ABTB2: variants seen among roughly 807,000 people sequenced by gnomAD.
ABTB2 encodes the protein ankyrin repeat and BTB/POZ domain-containing protein 2.
In ABTB2, 56 loss-of-function variants were observed where a neutral mutation model predicts 104.1. The observed-to-expected ratio is 0.54, with a 90% CI of 0.43 to 0.67. The LOEUF is 0.67. Ranked by LOEUF, ABTB2 falls within the 30% of genes least tolerant of loss-of-function variation. ABTB2 has a pLI of 0.00. For missense variants in ABTB2, 1,279 were observed against 1,407.7 expected (o/e 0.91, Z 1.46); for synonymous variants, 606 against 608.2 (o/e 1.00, Z 0.05).
At chr11:34,298,907 C>T (rs944684545) in intron 1 of ABTB2, among the ~76,000 whole-genome samples, 3 of 152,330 alleles carry the variant, frequency 2.0e-5, no homozygotes, top group East Asian at 3.9e-4. Flanking sequence ...GATCCCTTAT[C>T]TAATTTCATT....
rs75980966 is a variant in ABTB2, at chr11:34,332,869, G to A, written c.883+23832C>T. Among the ~76,000 whole-genome samples, 94 of 152,088 alleles carry A rather than the reference G, an allele frequency of 6.2e-4. No homozygotes were observed. In the East Asian group the frequency reaches 0.012, roughly 20 times the overall value. ...ACTGATGGAACAGTCTCTGAAGTGC[G>A]TTCAGGGAGTCACAGGACATGGAAG... is the stretch of plus-strand genomic sequence containing the variant. On this transcript the variant is annotated intron_variant, in intron 1 of 16. Coordinates refer to ENST00000435224, the MANE Select transcript of ABTB2 (RefSeq NM_145804.3).
At chr11:34,237,940 AC>A (rs1212308765) in intron 1 of ABTB2, among the ~76,000 whole-genome samples, 2 of 152,110 alleles carry the variant, frequency 1.3e-5, no homozygotes, top group Non-Finnish European at 2.9e-5. Flanking sequence ...ACCACCCTGG[AC>A]CACACTCTCA....
intron 1 of ABTB2, among the ~76,000 whole-genome samples, chr11:34,292,843 C>A (rs1313752444): frequency 2.0e-5 from 3 of 152,100 alleles, no homozygotes; most frequent in Non-Finnish European, 2.9e-5. Flanking sequence ...CAGGTACAAA[C>A]CCCCAGAGGG....
In ABTB2 at chr11:34,357,169, C is replaced by T; in HGVS notation, c.415G>A (p.Val139Met). 1.3e-6 allele frequency: 2 copies of T among 1,501,196 alleles called. No homozygotes were observed. The allele number at this position is 1,501,196 out of a possible 1,614,324, so 93.0% of individuals were successfully genotyped here. The change falls in exon 1 of 17, where the codon GTG (valine) becomes ATG (methionine). Residue 139 changes from valine (V) to methionine (M), a missense_variant. Coordinates refer to ENST00000435224, the MANE Select transcript of ABTB2 (RefSeq NM_145804.3). ...AGLLRRALIR[V>M]AREAQRLSVL... ...CTCAGGCGCTGCGCCTCGCGGGCCACGCGGATCAGTGCCCTGCGGAGCAGC... is the reference window on the plus strand; with the variant it reads ...CTCAGGCGCTGCGCCTCGCGGGCCATGCGGATCAGTGCCCTGCGGAGCAGC...
intron 1 of ABTB2, chr11:34,335,991 C>T (rs1855189572): frequency 5.3e-6 from 3 of 569,226 alleles, no homozygotes; most frequent in South Asian, 2.2e-5. Context: ...TGTTACAAAG[C>T]ACATTGGCCA....
chr11:34,222,619 G>A (rs115756586), intron 1 of ABTB2, among the ~76,000 whole-genome samples: 1,607 of 152,324 alleles, frequency 0.011, 26 homozygotes, highest in African/African-American at 0.036. Flanking sequence ...ATGAAATCAA[G>A]CTACAGGGAG....
At chr11:34,167,418 T>C (rs1398275255) in intron 6 of ABTB2, 58 bp from the exon 7 acceptor site, 2 of 1,425,772 alleles carry the variant, frequency 1.4e-6, no homozygotes, top group African/African-American at 2.8e-5. Flanking sequence ...GGGAGTACCC[T>C]GCAGGGATGG....
In ABTB2 at chr11:34,252,927, C is replaced by G. The variant is rs1393294244; in HGVS notation, c.884-48237G>C. On this transcript the variant is annotated intron_variant, in intron 1 of 16. Transcript: ENST00000435224. The surrounding 1 kb of genome is among the most constrained non-coding windows in gnomAD (Gnocchi z 5.5). Reference sequence around the variant, plus strand: ...AGGGCCCGATTCCACCCCTCCACCCCCAGGAGGAAGAGCTGCTTTGGCAGC... The same window carrying G: ...AGGGCCCGATTCCACCCCTCCACCCGCAGGAGGAAGAGCTGCTTTGGCAGC... 3.3e-5 allele frequency among the ~76,000 whole-genome samples: 5 copies of G among 152,108 alleles called. No individual in the cohort carries two copies. The highest frequency in any genetic ancestry group is 2.1e-4 in the South Asian group (1 of 4,828).
intron 13 of ABTB2, 147 bp downstream of exon 13, chr11:34,159,759 G>A (rs894874711): frequency 2.1e-5 from 14 of 677,960 alleles, no homozygotes; most frequent in East Asian, 8.1e-5. Context: ...GCTGTGGGGC[G>A]AGTGGGGCTC....
At chr11:34,203,249 C>T (rs1301093705) in intron 2 of ABTB2, among the ~76,000 whole-genome samples, 1 of 152,218 alleles carries the variant, frequency 6.6e-6, no homozygotes. Flanking sequence ...GTTCTCTCAT[C>T]AGGACATAAC....
At chr11:34,214,976 T>C (rs535545986) in intron 1 of ABTB2, among the ~76,000 whole-genome samples, 3 of 152,274 alleles carry the variant, frequency 2.0e-5, no homozygotes, top group East Asian at 1.9e-4. Flanking sequence ...AGATGAGACA[T>C]TGTCTGCATG....
chr11:34,218,417 G>A (rs557513899), intron 1 of ABTB2, among the ~76,000 whole-genome samples: 2 of 152,126 alleles, frequency 1.3e-5, no homozygotes, highest in Admixed American at 1.3e-4. Flanking sequence ...TATCTTCTAG[G>A]AGTTTTATAG....
chr11:34,321,205 A>G (rs549970871), intron 1 of ABTB2, among the ~76,000 whole-genome samples: 1 of 152,184 alleles, frequency 6.6e-6, no homozygotes, highest in Non-Finnish European at 1.5e-5. Context: ...ACAAACAAAA[A>G]AAGATGTTTT....
intron 1 of ABTB2, among the ~76,000 whole-genome samples, chr11:34,232,974 C>A (rs532682316): frequency 1.3e-5 from 2 of 149,482 alleles, no homozygotes; most frequent in African/African-American, 4.9e-5. Flanking sequence ...AACCCCCTAA[C>A]CTCCCCCCAA....
intron 1 of ABTB2, among the ~76,000 whole-genome samples, chr11:34,296,737 C>G (rs779553184): frequency 6.6e-6 from 1 of 152,142 alleles, no homozygotes. Flanking sequence ...AAATGCTGTA[C>G]GCTTCAAAAA....
At chr11:34,250,864 G>C (rs942404936) in intron 1 of ABTB2, among the ~76,000 whole-genome samples, 5 of 152,140 alleles carry the variant, frequency 3.3e-5, no homozygotes, top group African/African-American at 9.7e-5. Context: ...AGAATAACTA[G>C]GGGGGTAGAA....
At chr11:34,333,998 G>C (rs1855163413) in intron 1 of ABTB2, among the ~76,000 whole-genome samples, 1 of 145,380 alleles carries the variant, frequency 6.9e-6, no homozygotes, top group African/African-American at 2.5e-5. Flanking sequence ...TTTCCACTAA[G>C]GGAAGGGAGC....
intron 1 of ABTB2, among the ~76,000 whole-genome samples, chr11:34,265,661 G>GGA (rs1854238965): frequency 3.9e-5 from 1 of 25,654 alleles, no homozygotes; most frequent in Admixed American, 3.7e-4. Context: ...TCTGTCTCAA[G>GGA]AAAAAAAAAA....
chr11:34,278,040 T>G (rs985028881), intron 1 of ABTB2, among the ~76,000 whole-genome samples: 2 of 151,906 alleles, frequency 1.3e-5, no homozygotes, highest in African/African-American at 4.8e-5. Context: ...CCTGACCTTG[T>G]GATCTGCCCG....
Sources: allele counts gnomAD v4.1 joint callset (sites outside exome capture counted in the v4.1 genomes callset), GRCh38; gene constraint gnomAD v4.1.1; non-coding constraint Gnocchi (gnomAD v3.1); transcripts MANE v1.5; gene names NCBI Gene and HGNC (gene_info 2026-07-23, HGNC 2026-07-21).